Variants in SNAP23 observed in about 807,000 individuals in gnomAD.
The protein encoded by SNAP23 is synaptosome associated protein 23.
Under a neutral mutation model 29.0 loss-of-function variants are expected in SNAP23, and 11 were observed. The observed-to-expected ratio is 0.38, with a 90% CI of 0.24 to 0.63. SNAP23 has a LOEUF of 0.63. SNAP23 is among the 20% of genes least tolerant of loss of function. The pLI is 0.58. For missense variants in SNAP23, 220 were observed against 253.9 expected (o/e 0.87, Z 0.91); for synonymous variants, 60 against 82.9 (o/e 0.72, Z 1.50).
chr15:42,505,100 T>TTTTTTTTTC (rs1454431518), intron 1 of SNAP23: 1 of 149,710 alleles, frequency 6.7e-6, no homozygotes, highest in Admixed American at 6.6e-5. Context: ...TGATGGTGAT[T>TTTTTTTTTC]TTTTTTTTCT....
chr15:42,495,238 C>G (rs1288162857), upstream of SNAP23: 1 of 152,312 alleles, frequency 6.6e-6, no homozygotes, highest in East Asian at 1.9e-4. Context: ...AAGAATAAAA[C>G]GCTTTGTTCA....
chr15:42,496,427 G>A (rs1349006582), intron 1 of SNAP23, among the ~76,000 whole-genome samples: 1 of 151,796 alleles, frequency 6.6e-6, no homozygotes, highest in Admixed American at 6.6e-5. Flanking sequence ...CTATAAAGAA[G>A]TACCCAAGGC....
At position 42,531,507 on chromosome 15, in the gene SNAP23, T is replaced by C. The variant is rs1212050877; in HGVS notation, c.*29T>C. 6.5e-7 allele frequency: 1 copy of C among 1,542,494 alleles called. No individual in the cohort carries two copies. Among genetic ancestry groups the C allele is most frequent in the East Asian group, 2.3e-5 (1 of 44,090 alleles). Reference sequence around the variant, plus strand: ...TACTGCTGTTCTTCTTTATCATTTATTCACTTCCGTAGCTCCTCCTTGAAA... The same window carrying C: ...TACTGCTGTTCTTCTTTATCATTTACTCACTTCCGTAGCTCCTCCTTGAAA... On this transcript the variant is annotated 3_prime_UTR_variant, in exon 8 of 8. Transcript: ENST00000249647.
intron 1 of SNAP23, among the ~76,000 whole-genome samples, chr15:42,508,482 G>A (rs1216190015): frequency 3.3e-5 from 5 of 152,058 alleles, no homozygotes; most frequent in Non-Finnish European, 5.9e-5. Flanking sequence ...GCATCCTGGC[G>A]TTAGCATGCC....
chr15:42,530,948 T>C (rs1013128857), intron 7 of SNAP23, among the ~76,000 whole-genome samples: 1 of 152,176 alleles, frequency 6.6e-6, no homozygotes, highest in Non-Finnish European at 1.5e-5. Context: ...GTGAGGATGG[T>C]AATAGATTCG....
Position 42,511,817 on chromosome 15 carries a change from T to TA in SNAP23, c.-14-16_-14-15insA. ...TTCTTATACAATATCCACATTTCCA[T>TA]TTCTGTGCCTAATAGAGTTTTGATT... On this transcript the variant is annotated splice_polypyrimidine_tract_variant and intron_variant, in intron 1 of 7. Coordinates refer to ENST00000249647, the MANE Select transcript of SNAP23 (RefSeq NM_003825.4). 1 of 1,504,472 alleles carries TA rather than the reference T, an allele frequency of 6.6e-7. No individual in the cohort carries two copies. 93.2% of individuals were successfully genotyped at this position (1,504,472 alleles called of 1,614,324 possible). A position where few individuals can be genotyped will look rare whatever the true frequency, so the allele number is the denominator to read the frequency against.
upstream of SNAP23, chr15:42,491,169 T>A (rs1398226253): frequency 1.3e-5 from 2 of 152,290 alleles, no homozygotes; most frequent in Non-Finnish European, 2.9e-5. Context: ...TTTTTTTTCC[T>A]TTGCCGTCCG....
intron 1 of SNAP23, among the ~76,000 whole-genome samples, chr15:42,508,027 G>C (rs1238203570): frequency 6.6e-6 from 1 of 152,082 alleles, no homozygotes; most frequent in Non-Finnish European, 1.5e-5. Context: ...AGGCTGAGGT[G>C]GGAGGATTGC....
chr15:42,528,305 G>A lies in SNAP23; in HGVS notation c.310G>A (p.Gly104Arg). The A allele has an allele frequency of 6.2e-7, 1 of 1,614,034 alleles. No homozygotes were observed. The highest frequency in any genetic ancestry group is 8.5e-7 in the Non-Finnish European group (1 of 1,179,984). The change falls in exon 6 of 8, where the codon GGA becomes AGA. Residue 104 changes from glycine (G) to arginine (R), a missense_variant. Gly to Arg is a moderately radical substitution (Grantham distance 125). Coordinates refer to ENST00000249647, the MANE Select transcript of SNAP23 (RefSeq NM_003825.4). The stretch of plus-strand genomic sequence containing the variant: ...TGGCAAGGCTTATAAGACAACATGG[G>A]GAGATGGTGGAGAAAACTCACCTTG... ...ESGKAYKTTW[G>R]DGGENSPCNV...
chr15:42,530,742 C>T (rs1309045856), intron 7 of SNAP23, among the ~76,000 whole-genome samples: 2 of 151,982 alleles, frequency 1.3e-5, no homozygotes, highest in African/African-American at 4.8e-5. Context: ...AGAGTGAGAC[C>T]CTTTCTCAAA....
intron 5 of SNAP23, among the ~76,000 whole-genome samples, chr15:42,520,564 G>A (rs1041026678): frequency 5.9e-5 from 9 of 151,266 alleles, no homozygotes; most frequent in Admixed American, 1.3e-4. Flanking sequence ...GCACGATCTC[G>A]GCTCACTGCA....
At chr15:42,510,114 CA>C (rs962795187) in intron 1 of SNAP23, among the ~76,000 whole-genome samples, 1 of 151,970 alleles carries the variant, frequency 6.6e-6, no homozygotes, top group African/African-American at 2.4e-5. Flanking sequence ...CAATTAAAAA[CA>C]ACTGAAAAGA....
At chr15:42,520,581 G>A (rs901266127) in intron 5 of SNAP23, among the ~76,000 whole-genome samples, 4 of 151,880 alleles carry the variant, frequency 2.6e-5, no homozygotes, top group Non-Finnish European at 5.9e-5. Flanking sequence ...TGCAAGCTCC[G>A]CCTCCCGGGT....
In SNAP23 at chr15:42,528,302, T is replaced by C. The variant is rs376244359; in HGVS notation, c.307T>C (p.Trp103Arg). 84 of 1,613,958 alleles carry C rather than the reference T, an allele frequency of 5.2e-5. No homozygotes were observed. Among genetic ancestry groups the C allele is most frequent in the Non-Finnish European group, 6.9e-5 (81 of 1,180,002 alleles). ...FESGKAYKTTWGDGGENSPCN... is the reference protein window; with the variant it reads ...FESGKAYKTTRGDGGENSPCN... ...GTCTGGCAAGGCTTATAAGACAACATGGGGAGATGGTGGAGAAAACTCACC... is the reference window on the plus strand; with the variant it reads ...GTCTGGCAAGGCTTATAAGACAACACGGGGAGATGGTGGAGAAAACTCACC... Residue 103 changes from tryptophan to arginine, a missense_variant, in exon 6 of 8, where the codon TGG (tryptophan) becomes CGG (arginine). Trp to Arg is a moderately radical substitution (Grantham distance 101). Transcript: ENST00000249647.
rs187771585 is a variant in SNAP23 at position 42,529,068 on chromosome 15, G to A, written c.426-607G>A. 7.9e-5 allele frequency among the ~76,000 whole-genome samples: 12 copies of A among 152,154 alleles called. No homozygotes were observed. In the East Asian group the frequency reaches 2.1e-3, roughly 27 times the overall value. On this transcript the variant is annotated intron_variant, in intron 6 of 7. Coordinates refer to ENST00000249647, the MANE Select transcript of SNAP23 (RefSeq NM_003825.4). ...AGATTCCTGTAAGAAGATCTGTAAC[G>A]AGCCAGAGAGTTAATATTTCAGACT... is the stretch of plus-strand genomic sequence containing the variant.
intron 1 of SNAP23, among the ~76,000 whole-genome samples, chr15:42,503,158 G>A (rs2057288804): frequency 6.6e-6 from 1 of 152,014 alleles, no homozygotes; most frequent in South Asian, 2.1e-4. Context: ...TGAATCTTGT[G>A]CTTCAGTGTA....
At chr15:42,493,420 G>A (rs1057505995), upstream of SNAP23, among the ~76,000 whole-genome samples, 3 of 151,718 alleles carry the variant, frequency 2.0e-5, no homozygotes, top group African/African-American at 7.3e-5. Context: ...TGTTGGACAC[G>A]ATGCTAGTAG....
chr15:42,511,334 A>G (rs1400302772), intron 1 of SNAP23, among the ~76,000 whole-genome samples: 1 of 152,192 alleles, frequency 6.6e-6, no homozygotes, highest in Non-Finnish European at 1.5e-5. Context: ...TAAGAGTGAA[A>G]GTATTTTCTC....
chr15:42,529,082 A>G (rs146309332), intron 6 of SNAP23, among the ~76,000 whole-genome samples: 154 of 152,366 alleles, frequency 1.0e-3, no homozygotes, highest in African/African-American at 3.5e-3. Context: ...CAGAGAGTTA[A>G]TATTTCAGAC....
Sources: allele counts gnomAD v4.1 joint callset (sites outside exome capture counted in the v4.1 genomes callset), GRCh38; gene constraint gnomAD v4.1.1; transcripts MANE v1.5; gene names NCBI Gene and HGNC (gene_info 2026-07-23, HGNC 2026-07-21).